The following PLCB1 variants were observed in gnomAD, a reference collection of about 807,000 sequenced individuals.
The protein encoded by PLCB1 is phospholipase C beta 1, also known as 1-phosphatidylinositol 4,5-bisphosphate phosphodiesterase beta-1.
In PLCB1, 46 loss-of-function variants were observed where a neutral mutation model predicts 161.8. The ratio of observed to expected loss-of-function variants is 0.28; its 90% CI spans 0.22 to 0.36. PLCB1 has a LOEUF of 0.36. Among genes scored for constraint, PLCB1 ranks in the 10% least tolerant of loss-of-function variants. The pLI, the probability that PLCB1 is intolerant of heterozygous loss-of-function variation, is 1.00. For synonymous variants in PLCB1, 517 were observed against 503.7 expected (o/e 1.03, Z -0.35); for missense variants, 1,016 against 1,472.5 (o/e 0.69, Z 5.07).
intron 9 of PLCB1, among the ~76,000 whole-genome samples, chr20:8,675,268 T>C (rs1568556120): frequency 6.6e-6 from 1 of 152,084 alleles, no homozygotes; most frequent in Non-Finnish European, 1.5e-5. Context: ...CCTTGTGAGA[T>C]TGGCAAGAGA....
chr20:8,265,266 T>A (rs1442587562), intron 2 of PLCB1, among the ~76,000 whole-genome samples: 1 of 152,182 alleles, frequency 6.6e-6, no homozygotes, highest in East Asian at 1.9e-4. Context: ...AATGAGTGAA[T>A]GCATATAAAA....
intron 3 of PLCB1, among the ~76,000 whole-genome samples, chr20:8,382,371 C>G (rs968521381): frequency 2.0e-5 from 3 of 150,576 alleles, no homozygotes; most frequent in Non-Finnish European, 4.4e-5. Context: ...CAAGCTCCGC[C>G]TCCCGGGTTC....
At chr20:8,565,604 A>G (rs1172681637) in intron 3 of PLCB1, among the ~76,000 whole-genome samples, 1 of 152,098 alleles carries the variant, frequency 6.6e-6, no homozygotes, top group East Asian at 1.9e-4. Context: ...ACAGAAATAT[A>G]TGGTATATCT....
intron 2 of PLCB1, among the ~76,000 whole-genome samples, chr20:8,316,123 C>A (rs1354743470): frequency 1.3e-5 from 2 of 152,178 alleles, no homozygotes; most frequent in East Asian, 1.9e-4. Context: ...TCCTTCCATG[C>A]AAAGACCCAC....
At chr20:8,395,831 A>C (rs1437375316) in intron 3 of PLCB1, among the ~76,000 whole-genome samples, 1 of 151,962 alleles carries the variant, frequency 6.6e-6, no homozygotes, top group African/African-American at 2.4e-5. Flanking sequence ...AAAAAAAAAC[A>C]AATTGTTATT....
chr20:8,787,652 C>G (rs960864244), intron 27 of PLCB1, among the ~76,000 whole-genome samples: 1 of 152,206 alleles, frequency 6.6e-6, no homozygotes, highest in South Asian at 2.1e-4. Flanking sequence ...AAAAGATTAC[C>G]AGGCACAATT....
intron 2 of PLCB1, among the ~76,000 whole-genome samples, chr20:8,169,934 G>T (rs558647959): frequency 6.6e-6 from 1 of 152,310 alleles, no homozygotes; most frequent in Admixed American, 6.5e-5. Flanking sequence ...TCGACCCTTT[G>T]AAAACAGGTG....
rs977833679 is a variant in PLCB1 at position 8,827,952 on chromosome 20, A to G, written c.3423+37691A>G. On this transcript the variant is annotated intron_variant, in intron 31 of 31. Coordinates refer to ENST00000338037, the MANE Select transcript of PLCB1 (RefSeq NM_015192.4). ...TGTGACAGAGACTTTATAGTCTGCAAAGTCTAAAATATGTACTCCCTGGCT... is the reference window on the plus strand; with the variant it reads ...TGTGACAGAGACTTTATAGTCTGCAGAGTCTAAAATATGTACTCCCTGGCT... Among the ~76,000 whole-genome samples the G allele has an allele frequency of 2.6e-5, 4 of 152,220 alleles. No individual in the cohort carries two copies. The East Asian group carries it at 7.7e-4, about 29-fold the overall frequency.
chr20:8,262,406 A>G (rs964881513), intron 2 of PLCB1, among the ~76,000 whole-genome samples: 1 of 152,072 alleles, frequency 6.6e-6, no homozygotes, highest in Non-Finnish European at 1.5e-5. Context: ...TCCCTTCTTA[A>G]CACAAGGAAA....
chr20:8,858,875 T>C (rs6140773), intron 31 of PLCB1, among the ~76,000 whole-genome samples: 41,917 of 141,538 alleles, frequency 0.3, 7,232 homozygotes, highest in East Asian at 0.66. Flanking sequence ...CTCTTGTTCT[T>C]AGGGTAGTGT....
chr20:8,173,193 G>T (rs1191905511), intron 2 of PLCB1, among the ~76,000 whole-genome samples: 1 of 152,130 alleles, frequency 6.6e-6, no homozygotes, highest in Non-Finnish European at 1.5e-5. Context: ...TTCTCCATGG[G>T]TCTGAAACTC....
At chr20:8,347,965 C>CAG (rs977154270) in intron 2 of PLCB1, among the ~76,000 whole-genome samples, 1 of 151,034 alleles carries the variant, frequency 6.6e-6, no homozygotes, top group African/African-American at 2.5e-5. Flanking sequence ...GAGCGAGACT[C>CAG]CATCTCAAAA....
At chr20:8,376,732 T>C (rs573324820) in intron 3 of PLCB1, among the ~76,000 whole-genome samples, 2 of 151,880 alleles carry the variant, frequency 1.3e-5, no homozygotes, top group Admixed American at 6.6e-5. Flanking sequence ...ATCGAGACCA[T>C]CCTGGCTAAC....
intron 31 of PLCB1, among the ~76,000 whole-genome samples, chr20:8,800,230 A>G (rs903803746): frequency 1.3e-5 from 2 of 152,256 alleles, no homozygotes; most frequent in Admixed American, 6.5e-5. Context: ...ACAGCATTAC[A>G]GTCTCTGTTT....
intron 2 of PLCB1, among the ~76,000 whole-genome samples, chr20:8,240,454 G>A (rs958153118): frequency 6.6e-6 from 1 of 151,652 alleles, no homozygotes; most frequent in East Asian, 1.9e-4. Flanking sequence ...ATTTTTATTT[G>A]ATGCACAATA....
At chr20:8,309,964 T>A (rs1984320970) in intron 2 of PLCB1, among the ~76,000 whole-genome samples, 2 of 152,216 alleles carry the variant, frequency 1.3e-5, no homozygotes, top group Admixed American at 6.5e-5. Flanking sequence ...GGTTGATTGG[T>A]TTTCTTAGGT....
chr20:8,211,694 A>C (rs1282672207), intron 2 of PLCB1, among the ~76,000 whole-genome samples: 1 of 152,082 alleles, frequency 6.6e-6, no homozygotes, highest in Non-Finnish European at 1.5e-5. Context: ...AATTTTACTT[A>C]GTTTTGTGTT....
chr20:8,277,360 TTGA>T lies in PLCB1; in HGVS notation c.178-94017_178-94015del, dbSNP rs528920904. Among the ~76,000 whole-genome samples the T allele has an allele frequency of 1.9e-3, 295 of 152,230 alleles. 2 individuals carry two copies. The highest frequency in any genetic ancestry group is 3.3e-3 in the Non-Finnish European group (222 of 68,016). ...TATTTTAAATGAATAGTTATTGTAC[TTGA>T]TGATTTATTTCAAATTTCCTCTTTA... On this transcript the variant is annotated intron_variant, in intron 2 of 31. Coordinates refer to ENST00000338037, the MANE Select transcript of PLCB1 (RefSeq NM_015192.4).
intron 31 of PLCB1, among the ~76,000 whole-genome samples, chr20:8,829,482 C>A (rs544060602): frequency 6.6e-6 from 1 of 152,346 alleles, no homozygotes; most frequent in Non-Finnish European, 1.5e-5. Context: ...GATCTTTACA[C>A]ACATGCTTTA....
Sources: allele counts gnomAD v4.1 joint callset (sites outside exome capture counted in the v4.1 genomes callset), GRCh38; gene constraint gnomAD v4.1.1; transcripts MANE v1.5; gene names NCBI Gene and HGNC (gene_info 2026-07-23, HGNC 2026-07-21).